The following DNAJC8 variants were observed in gnomAD, a reference collection of about 807,000 sequenced individuals.
DNAJC8 encodes DnaJ heat shock protein family (Hsp40) member C8.
Under a neutral mutation model 43.2 loss-of-function variants are expected in DNAJC8, and 24 were observed. The observed-to-expected ratio is 0.56, with a 90% CI of 0.40 to 0.78. DNAJC8 has a LOEUF of 0.78. Ranked by LOEUF, DNAJC8 falls within the 30% of genes least tolerant of loss-of-function variation. The pLI is 0.00. For missense variants in DNAJC8, 207 were observed against 299.4 expected, an observed-to-expected ratio of 0.69 and a Z score of 2.28; for synonymous variants, 83 against 98.0, an observed-to-expected ratio of 0.85 and a Z score of 0.90.
At chr1:28,207,611 T>C (rs1646778585) in intron 6 of DNAJC8, among the ~76,000 whole-genome samples, 1 of 150,872 alleles carries the variant, frequency 6.6e-6, no homozygotes, top group African/African-American at 2.4e-5. Context: ...GCCCAGATAA[T>C]TTCTGTATTT....
chr1:28,208,670 G>A (rs980041322), intron 5 of DNAJC8: 3 of 269,000 alleles, frequency 1.1e-5, no homozygotes, highest in South Asian at 2.1e-4. Context: ...GGGGACCAAC[G>A]GGAGGTTGTC....
At chr1:28,227,074 C>CAAA (rs148492955) in intron 2 of DNAJC8, among the ~76,000 whole-genome samples, 11 of 94,728 alleles carry the variant, frequency 1.2e-4, no homozygotes, top group African/African-American at 1.9e-4. Flanking sequence ...TCAAGCATTG[C>CAAA]AAAAAAAAAA....
At position 28,208,368 on chromosome 1, in the gene DNAJC8, T is replaced by C. The variant is rs1175653249; in HGVS notation, c.445A>G (p.Ile149Val). ...KQLKKEGKPTIVEEDDPELFK... is the reference protein window; with the variant it reads ...KQLKKEGKPTVVEEDDPELFK... ...AGCTCAGGATCATCCTCCTCTACAA[T>C]TGTAGGTTTTCCTTCCTTCTTTAAT... Residue 149 changes from isoleucine to valine, a missense_variant, in exon 6 of 9, where the codon ATT (isoleucine) becomes GTT (valine). By Grantham distance (29) the Ile-to-Val change is conservative (BLOSUM62 3). Transcript: ENST00000263697. 3 of 1,612,378 alleles carry C rather than the reference T, an allele frequency of 1.9e-6. No individual in the cohort carries two copies. The highest frequency in any genetic ancestry group is 2.7e-5 in the African/African-American group (2 of 74,836).
chr1:28,218,644 G>A (rs760759931), intron 2 of DNAJC8, among the ~76,000 whole-genome samples: 16 of 151,938 alleles, frequency 1.1e-4, no homozygotes, highest in African/African-American at 3.1e-4. Context: ...AGTGGCTCAC[G>A]CCTGTAATCC....
At chr1:28,212,295 G>A (rs1572063169) in intron 3 of DNAJC8, among the ~76,000 whole-genome samples, 3 of 107,398 alleles carry the variant, frequency 2.8e-5, no homozygotes, top group South Asian at 3.1e-4. Flanking sequence ...TTTTTTTTGA[G>A]ACAGAGTGTT....
intron 3 of DNAJC8, 35 bp downstream of exon 3, chr1:28,214,905 T>G (rs374608724): frequency 4.5e-6 from 7 of 1,551,106 alleles, no homozygotes; most frequent in Non-Finnish European, 6.1e-6. Context: ...CTTCATACAT[T>G]TTCAAAAAGT....
chr1:28,222,470 A>AGC (rs1646905228), intron 2 of DNAJC8, among the ~76,000 whole-genome samples: 1 of 147,460 alleles, frequency 6.8e-6, no homozygotes, highest in Non-Finnish European at 1.5e-5. Context: ...TGGGTGATAA[A>AGC]GCAAGACTCC....
Position 28,200,427 on chromosome 1 carries a change from C to T in DNAJC8, c.*821G>A, listed in dbSNP as rs140371614. The T allele has an allele frequency of 6.4e-4, 292 of 454,058 alleles. 1 individual carries two copies. Among genetic ancestry groups the T allele is most frequent in the African/African-American group, 5.6e-3 (277 of 49,866 alleles). The allele number at this position is 454,058 out of a possible 1,614,324, so 28.1% of individuals were successfully genotyped here. On this transcript the variant is annotated 3_prime_UTR_variant, in exon 9 of 9. Transcript: ENST00000263697. ...TGCCCTAAAAGCTGCTGCAGTAATTCATATTCCCATTTCATAGATGAAGAA... is the reference window on the plus strand; with the variant it reads ...TGCCCTAAAAGCTGCTGCAGTAATTTATATTCCCATTTCATAGATGAAGAA...
intron 7 of DNAJC8, among the ~76,000 whole-genome samples, chr1:28,204,429 AAATTAGCCAGGCAGGAG>A (rs1438148384): frequency 5.9e-5 from 9 of 152,040 alleles, no homozygotes; most frequent in African/African-American, 2.2e-4. Context: ...AAAAATGCAA[AAATTAGCCAGGCAGGAG>A]AATCACCTGA....
intron 3 of DNAJC8, among the ~76,000 whole-genome samples, chr1:28,212,215 A>ATATATATAT (rs1557708043): frequency 8.4e-6 from 1 of 119,048 alleles, no homozygotes; most frequent in Non-Finnish European, 1.7e-5. Flanking sequence ...ATATATATAT[A>ATATATATAT]AATGAAATTA....
chr1:28,200,770 C>T lies in DNAJC8; in HGVS notation c.*478G>A. The T allele has an allele frequency of 2.3e-6, 1 of 428,432 alleles. No individual in the cohort carries two copies. Among genetic ancestry groups the T allele is most frequent in the Non-Finnish European group, 4.7e-6 (1 of 214,436 alleles). 26.5% of individuals were successfully genotyped at this position (428,432 alleles called of 1,614,324 possible). The stretch of plus-strand genomic sequence containing the variant: ...CTGCTCTGTGTGCTCACAAGTGTTC[C>T]CTGTCTTATCTGGGCCTTCGAAGGG... On this transcript the variant is annotated 3_prime_UTR_variant, in exon 9 of 9. Coordinates refer to ENST00000263697, the MANE Select transcript of DNAJC8 (RefSeq NM_014280.3).
intron 2 of DNAJC8, among the ~76,000 whole-genome samples, chr1:28,223,713 C>CAAAAAAAA (rs750905346): frequency 9.4e-6 from 1 of 106,556 alleles, no homozygotes; most frequent in Admixed American, 1.1e-4. Context: ...CTTGTCTTTA[C>CAAAAAAAA]AAAAAAAAAA....
chr1:28,231,003 T>A (rs1646969984), intron 1 of DNAJC8, among the ~76,000 whole-genome samples: 1 of 152,246 alleles, frequency 6.6e-6, no homozygotes, highest in Non-Finnish European at 1.5e-5. Flanking sequence ...CTGAGAAAGA[T>A]GCTTCTGCTT....
chr1:28,224,601 C>A (rs1264823798), intron 2 of DNAJC8, among the ~76,000 whole-genome samples: 1 of 151,826 alleles, frequency 6.6e-6, no homozygotes, highest in Non-Finnish European at 1.5e-5. Context: ...AAAACAAACA[C>A]GCCAGGTGTG....
intron 1 of DNAJC8, among the ~76,000 whole-genome samples, chr1:28,232,104 T>C (rs1014507477): frequency 5.3e-5 from 8 of 151,748 alleles, no homozygotes; most frequent in African/African-American, 1.9e-4. Flanking sequence ...AGAGACAGGG[T>C]CTCACTCTCG....
intron 3 of DNAJC8, among the ~76,000 whole-genome samples, 181 bp downstream of exon 3, chr1:28,214,759 G>C (rs918699283): frequency 1.3e-5 from 2 of 151,744 alleles, no homozygotes; most frequent in African/African-American, 4.8e-5. Context: ...GGTAAGCTAT[G>C]GTCATTAAAT....
chr1:28,207,514 G>A (rs1646777961), intron 6 of DNAJC8, among the ~76,000 whole-genome samples: 1 of 151,328 alleles, frequency 6.6e-6, no homozygotes, highest in African/African-American at 2.4e-5. Context: ...CGCGATCTTG[G>A]CTCACTGCAA....
Position 28,200,457 on chromosome 1 carries a change from A to C in DNAJC8, c.*791T>G, listed in dbSNP as rs1200298936. 2.2e-6 allele frequency: 1 copy of C among 455,290 alleles called. No individual in the cohort carries two copies. The highest frequency in any genetic ancestry group is 1.6e-5 in the South Asian group (1 of 64,386). The allele number at this position is 455,290 out of a possible 1,614,324, so 28.2% of individuals were successfully genotyped here. The stretch of plus-strand genomic sequence containing the variant: ...TCCCATTTCATAGATGAAGAAACTA[A>C]GGTTCAGCCAGGTCTGTCCAACCCC... On this transcript the variant is annotated 3_prime_UTR_variant, in exon 9 of 9. Transcript: ENST00000263697.
Position 28,205,319 on chromosome 1 carries a change from T to A in DNAJC8, c.502A>T (p.Lys168Ter). 1 of 1,613,540 alleles carries A rather than the reference T, an allele frequency of 6.2e-7. No homozygotes were observed. Residue 168 changes from lysine (K) to a stop codon, truncating the protein, a stop_gained, in exon 7 of 9, where the codon AAA becomes TAA. Transcript: ENST00000263697. LOFTEE classifies it high-confidence loss of function. ...FKQAVYKQTMKLFAELEIKRK... is the reference protein window; with the variant it reads ...FKQAVYKQTM ...TTAATTTCCAGCTCTGCAAAGAGTT[T>A]CATTGTCTGTTTATATACAGCTTGT...
Sources: allele counts gnomAD v4.1 joint callset (sites outside exome capture counted in the v4.1 genomes callset), GRCh38; gene constraint gnomAD v4.1.1; transcripts MANE v1.5; gene names NCBI Gene and HGNC (gene_info 2026-07-23, HGNC 2026-07-21).